The following CELSR1 variants were observed in gnomAD, a reference collection of about 807,000 sequenced individuals.
CELSR1 encodes the protein cadherin EGF LAG seven-pass G-type receptor 1.
CELSR1 carries 110 observed loss-of-function variants against 249.1 expected under a neutral mutation model. The observed-to-expected ratio is 0.44, with a 90% CI of 0.38 to 0.52. The LOEUF (loss-of-function observed/expected upper bound fraction) is 0.52. Ranked by LOEUF, CELSR1 falls within the 20% of genes least tolerant of loss-of-function variation. The probability of loss-of-function intolerance (pLI) is 0.00; values close to 1 mark genes in which losing one functional copy is unlikely to be tolerated. For synonymous variants in CELSR1, 2,113 were observed against 1,900.0 expected (o/e 1.11, Z -2.92); for missense variants, 4,109 against 4,296.4 (o/e 0.96, Z 1.22).
At chr22:46,400,781 G>A (rs545584831) in intron 9 of CELSR1, among the ~76,000 whole-genome samples, 12 of 152,088 alleles carry the variant, frequency 7.9e-5, no homozygotes, top group South Asian at 4.1e-4. Flanking sequence ...GCAAAACCTC[G>A]TGTCTACTAA....
Position 46,471,889 on chromosome 22 carries a change from G to A in CELSR1, c.3545-7544C>T, listed in dbSNP as rs916774337. On this transcript the variant is annotated intron_variant, in intron 1 of 34. Coordinates refer to ENST00000674500, the MANE Select transcript of CELSR1 (RefSeq NM_001378328.1). This position sits in a 1 kb window ranked among gnomAD's most constrained non-coding sequence, Gnocchi z 4.9. Reference sequence around the variant, plus strand: ...GACCTGTACAGTTTTCAGGGGCTGCGGTCTGTGGCCTTCAGGTGATGACGA... The same window carrying A: ...GACCTGTACAGTTTTCAGGGGCTGCAGTCTGTGGCCTTCAGGTGATGACGA... Among the ~76,000 whole-genome samples, 4 of 152,108 alleles carry A rather than the reference G, an allele frequency of 2.6e-5. No individual in the cohort carries two copies. The highest frequency in any genetic ancestry group is 6.6e-5 in the Admixed American group (1 of 15,262).
At chr22:46,414,995 C>T (rs1282256900) in intron 5 of CELSR1, among the ~76,000 whole-genome samples, 6 of 152,054 alleles carry the variant, frequency 3.9e-5, no homozygotes, top group Non-Finnish European at 7.3e-5. Flanking sequence ...GAACACATCG[C>T]GCTCAGTGAA....
intron 1 of CELSR1, among the ~76,000 whole-genome samples, chr22:46,469,418 G>A (rs1209486426): frequency 6.6e-6 from 1 of 152,212 alleles, no homozygotes; most frequent in Non-Finnish European, 1.5e-5. Flanking sequence ...CTCGATGGAG[G>A]ACCTTCCATG....
intron 27 of CELSR1, 70 bp downstream of exon 27, chr22:46,369,109 G>T (rs551469838): frequency 2.0e-6 from 3 of 1,499,466 alleles, no homozygotes; most frequent in Admixed American, 3.4e-5. Context: ...GCCCCACCCC[G>T]CAGAGACTGG....
intron 25 of CELSR1, among the ~76,000 whole-genome samples, chr22:46,371,349 C>T (rs372725021): frequency 3.9e-4 from 60 of 152,154 alleles, no homozygotes; most frequent in African/African-American, 1.3e-3. Flanking sequence ...AACACCCCCC[C>T]ACCCCAGTGC....
rs2079285875 is a variant in CELSR1, at chr22:46,408,006, C to G, written c.5226+990G>C. On this transcript the variant is annotated intron_variant, in intron 9 of 34. Coordinates refer to ENST00000674500, the MANE Select transcript of CELSR1 (RefSeq NM_001378328.1). The surrounding 1 kb of genome is among the most constrained non-coding windows in gnomAD (Gnocchi z 4.6). ...GGGTCCCCATGGCTGCCTCATGCGG[C>G]GGAGGTTGTGGCAGAAGGGCAGCCC... is the stretch of plus-strand genomic sequence containing the variant. Among the ~76,000 whole-genome samples the G allele has an allele frequency of 6.6e-6, 1 of 152,140 alleles. No individual in the cohort carries two copies. The highest frequency in any genetic ancestry group is 1.5e-5 in the Non-Finnish European group (1 of 68,014).
chr22:46,391,079 C>A lies in CELSR1; in HGVS notation c.6250+107G>T, dbSNP rs947436998. 23 of 882,802 alleles carry A rather than the reference C, an allele frequency of 2.6e-5. No homozygotes were observed. Among genetic ancestry groups the A allele is most frequent in the Non-Finnish European group, 4.0e-5 (23 of 572,210 alleles). 54.7% of individuals were successfully genotyped at this position (882,802 alleles called of 1,614,324 possible). A position where few individuals can be genotyped will look rare whatever the true frequency, so the allele number is the denominator to read the frequency against. On this transcript the variant is annotated intron_variant, in intron 16 of 34. Coordinates refer to ENST00000674500, the MANE Select transcript of CELSR1 (RefSeq NM_001378328.1). The surrounding 1 kb of genome is among the most constrained non-coding windows in gnomAD (Gnocchi z 4.3). ...GGATTTCTCCCCAGCACTTTGCCTG[C>A]GGATATTTTTTCAACACGAAACATT...
In CELSR1 at chr22:46,500,407, G is replaced by A. The variant is rs2080455156; in HGVS notation, c.3544+33220C>T. 6.6e-6 allele frequency among the ~76,000 whole-genome samples: 1 copy of A among 152,190 alleles called. No homozygotes were observed. The highest frequency in any genetic ancestry group is 1.5e-5 in the Non-Finnish European group (1 of 68,038). ...CATTTACAGCGGTGGCGGTAACCAT[G>A]GAAACTGGCAGTCGGTGCAGGAGGG... On this transcript the variant is annotated intron_variant, in intron 1 of 34. Coordinates refer to ENST00000674500, the MANE Select transcript of CELSR1 (RefSeq NM_001378328.1). The surrounding 1 kb of genome is among the most constrained non-coding windows in gnomAD (Gnocchi z 4.9).
chr22:46,363,388 T>C lies in CELSR1; in HGVS notation c.9036-141A>G. ...TCTGGGGGCTCCAGGGAGGGCAAGCTCATGTTGGATGAGGCTGCCCTTGGG... is the reference window on the plus strand; with the variant it reads ...TCTGGGGGCTCCAGGGAGGGCAAGCCCATGTTGGATGAGGCTGCCCTTGGG... On this transcript the variant is annotated intron_variant, in intron 34 of 34. Coordinates refer to ENST00000674500, the MANE Select transcript of CELSR1 (RefSeq NM_001378328.1). This position sits in a 1 kb window ranked among gnomAD's most constrained non-coding sequence, Gnocchi z 4.3. The C allele has an allele frequency of 1.5e-6, 1 of 664,142 alleles. No individual in the cohort carries two copies. The highest frequency in any genetic ancestry group is 1.8e-5 in the African/African-American group (1 of 55,340). The allele number at this position is 664,142 out of a possible 1,614,324, so 41.1% of individuals were successfully genotyped here.
rs6007897 is a variant in CELSR1, at chr22:46,384,624, T to C, written c.6802A>G (p.Thr2268Ala). Residue 2268 changes from threonine to alanine, a missense_variant, in exon 20 of 35, where the codon ACC (threonine) becomes GCC (alanine). Thr to Ala is a moderately conservative substitution (Grantham distance 58, BLOSUM62 0). Coordinates refer to ENST00000674500, the MANE Select transcript of CELSR1 (RefSeq NM_001378328.1). Reference protein sequence around the residue: ...FTGARVPRFDTIHEEFPRELE... With the variant: ...FTGARVPRFDAIHEEFPRELE... ...TCCCTGGGGAACTCTTCATGGATGG[T>C]GTCGAATCGCGGGACCCTGGCTCCC... 280,251 of 1,613,128 alleles carry C rather than the reference T, an allele frequency of 0.17. 32,578 individuals are homozygous for C. The highest frequency in any genetic ancestry group is 0.59 in the African/African-American group (44,015 of 74,868).
intron 1 of CELSR1, among the ~76,000 whole-genome samples, chr22:46,529,329 G>A (rs758578254): frequency 2.0e-5 from 3 of 152,024 alleles, no homozygotes; most frequent in Non-Finnish European, 4.4e-5. Flanking sequence ...AGGTCATTAT[G>A]TTAAGTGAAA....
intron 1 of CELSR1, among the ~76,000 whole-genome samples, chr22:46,482,366 C>T (rs2080274776): frequency 6.6e-6 from 1 of 152,038 alleles, no homozygotes; most frequent in Non-Finnish European, 1.5e-5. Context: ...AGAGGAAGGG[C>T]CATCAGCCAG....
rs1414492234 is a variant in CELSR1, at chr22:46,534,339, C to T, written c.2832G>A (p.Glu944=). The change falls in exon 1 of 35, where the codon GAG becomes GAA. Residue 944 remains glutamate, a synonymous_variant. Transcript: ENST00000674500. This position sits in a 1 kb window ranked among gnomAD's most constrained non-coding sequence, Gnocchi z 9.7. ...GGGTGCGAATCACACCGGACGTGGG[C>T]TCGATGTAGAAGTCCCCATCGCCGT... The part of the protein sequence containing the change: ...GDDGDGDFYI[E]PTSGVIRTQR... 1.2e-6 allele frequency: 2 copies of T among 1,613,040 alleles called. No homozygotes were observed. The highest frequency in any genetic ancestry group is 1.7e-5 in the Admixed American group (1 of 60,032).
At position 46,536,087 on chromosome 22, in the gene CELSR1, C is replaced by T; in HGVS notation, c.1084G>A (p.Val362Met). The T allele has an allele frequency of 1.9e-6, 3 of 1,611,830 alleles. No homozygotes were observed. The highest frequency in any genetic ancestry group is 2.5e-6 in the Non-Finnish European group (3 of 1,179,982). The change falls in exon 1 of 35, where the codon GTG becomes ATG. Residue 362 changes from valine (V) to methionine (M), a missense_variant. Physicochemically the swap from Val to Met is conservative, Grantham distance 21. Coordinates refer to ENST00000674500, the MANE Select transcript of CELSR1 (RefSeq NM_001378328.1). ...TAGCCCACCTCCAGGTTCTCCCGCA[C>T]GCGCTCGCGGTACTCCGACTGCTCG... ...VFEQSEYRER[V>M]RENLEVGYEV...
chr22:46,370,683 A>C (rs1432968548), intron 25 of CELSR1, among the ~76,000 whole-genome samples: 1 of 152,104 alleles, frequency 6.6e-6, no homozygotes, highest in Non-Finnish European at 1.5e-5. Context: ...TATTGAAGAG[A>C]TCCCAGCTCC....
rs1374550228 is a variant in CELSR1 at position 46,517,119 on chromosome 22, C to T, written c.3544+16508G>A. On this transcript the variant is annotated intron_variant, in intron 1 of 34. Transcript: ENST00000674500. The surrounding 1 kb of genome is among the most constrained non-coding windows in gnomAD (Gnocchi z 5.4). Reference sequence around the variant, plus strand: ...GTTCTCACCCCAATGGATCATTCCCCTGAGGTATACAAACCACCTCCCCAT... The same window carrying T: ...GTTCTCACCCCAATGGATCATTCCCTTGAGGTATACAAACCACCTCCCCAT... Among the ~76,000 whole-genome samples the T allele has an allele frequency of 6.6e-6, 1 of 152,190 alleles. No homozygotes were observed. Among genetic ancestry groups the T allele is most frequent in the Non-Finnish European group, 1.5e-5 (1 of 68,028 alleles).
intron 1 of CELSR1, among the ~76,000 whole-genome samples, chr22:46,524,290 C>T (rs9616037): frequency 0.27 from 40,639 of 152,124 alleles, 6,257 homozygotes; most frequent in African/African-American, 0.42. Context: ...GGCGGTCCCG[C>T]GCCCACTTCT....
intron 1 of CELSR1, chr22:46,481,242 C>G: frequency 3.5e-6 from 1 of 283,980 alleles, no homozygotes; most frequent in Non-Finnish European, 6.7e-6. Context: ...GACCATGTCT[C>G]AAAAAAAAAA....
At chr22:46,510,570 C>T (rs946949211) in intron 1 of CELSR1, among the ~76,000 whole-genome samples, 32 of 152,136 alleles carry the variant, frequency 2.1e-4, no homozygotes, top group African/African-American at 7.0e-4. Flanking sequence ...GCTGGGGGGA[C>T]GAGAGCCGCC....
Sources: gnomAD v4.1 joint callset for allele counts (sites outside exome capture counted in the v4.1 genomes callset) on GRCh38, gnomAD v4.1.1 for gene constraint, Gnocchi (gnomAD v3.1) non-coding constraint, MANE v1.5 for transcripts, NCBI Gene and HGNC (gene_info 2026-07-23, HGNC 2026-07-21) for gene names.